The following UBAP2 variants were observed in gnomAD, a reference collection of about 807,000 sequenced individuals.
UBAP2 encodes the protein ubiquitin associated protein 2, also known as ubiquitin-associated protein 2.
Under a neutral mutation model 139.6 loss-of-function variants are expected in UBAP2, and 75 were observed. That is an observed-to-expected ratio of 0.54 (90% CI 0.45 to 0.65). The LOEUF (loss-of-function observed/expected upper bound fraction) is 0.65, where lower values mean the gene tolerates loss of function less well. Among genes scored for constraint, UBAP2 ranks in the 30% least tolerant of loss-of-function variants. The pLI is 0.00. For synonymous variants in UBAP2, 526 were observed against 526.2 expected (o/e 1.00, Z 0.01); for missense variants, 1,368 against 1,369.6 (o/e 1.00, Z 0.02).
chr9:33,935,712 A>G lies in UBAP2; in HGVS notation c.1969+127T>C, dbSNP rs560893552. 420 of 1,145,380 alleles carry G rather than the reference A, an allele frequency of 3.7e-4. 1 individual carries two copies. The highest frequency in any genetic ancestry group is 5.1e-4 in the Non-Finnish European group (391 of 761,224). The allele number at this position is 1,145,380 out of a possible 1,614,324, so 71.0% of individuals were successfully genotyped here. ...CCAACACCTGGTCCAAAAACAAAAA[A>G]GCAAAAGGGCTGCTTTTTAACGAAT... On this transcript the variant is annotated intron_variant, in intron 17 of 28. Coordinates refer to ENST00000379238, the MANE Select transcript of UBAP2 (RefSeq NM_001370062.2).
At chr9:34,012,528 C>CAAAAAAA (rs11399740) in intron 2 of UBAP2, among the ~76,000 whole-genome samples, 1 of 144,244 alleles carries the variant, frequency 6.9e-6, no homozygotes. Flanking sequence ...AAAACTGTCT[C>CAAAAAAA]AAAAAAAAAA....
intron 12 of UBAP2, among the ~76,000 whole-genome samples, chr9:33,949,490 G>A (rs1417650512): frequency 6.6e-6 from 1 of 152,110 alleles, no homozygotes; most frequent in Non-Finnish European, 1.5e-5. Context: ...ATCACCTGAG[G>A]TCAGGAGTTA....
rs542405094 is a variant in UBAP2 at position 34,037,040 on chromosome 9, G to A, written c.-42+11785C>T. On this transcript the variant is annotated intron_variant, in intron 1 of 28. Coordinates refer to ENST00000379238, the MANE Select transcript of UBAP2 (RefSeq NM_001370062.2). ...GTCTCGCTCTATCACCCGGGCTGGA[G>A]TGCAGTGGCACAATCTCGGCTCGCT... Among the ~76,000 whole-genome samples, 3 of 143,652 alleles carry A rather than the reference G, an allele frequency of 2.1e-5. No individual in the cohort carries two copies. In the South Asian group the frequency reaches 6.6e-4, roughly 32 times the overall value. 94.2% of individuals were successfully genotyped at this position (143,652 alleles called of 152,430 possible). A position where few individuals can be genotyped will look rare whatever the true frequency, so the allele number is the denominator to read the frequency against.
At chr9:34,002,911 C>T (rs1036702591) in intron 2 of UBAP2, among the ~76,000 whole-genome samples, 2 of 151,976 alleles carry the variant, frequency 1.3e-5, no homozygotes, top group South Asian at 2.1e-4. Flanking sequence ...TAATATTGAA[C>T]CCCCCGAGCT....
At chr9:34,016,020 T>C (rs1487722319) in intron 2 of UBAP2, among the ~76,000 whole-genome samples, 1 of 152,160 alleles carries the variant, frequency 6.6e-6, no homozygotes, top group Non-Finnish European at 1.5e-5. Flanking sequence ...TACTTCAGAC[T>C]ATTAGTTCTC....
chr9:34,031,818 G>C (rs1343817258), intron 1 of UBAP2, among the ~76,000 whole-genome samples: 1 of 151,258 alleles, frequency 6.6e-6, no homozygotes, highest in African/African-American at 2.4e-5. Context: ...GAAAAAAAGA[G>C]GATCTATTTC....
Position 33,935,827 on chromosome 9 carries a change from TG to T in UBAP2, c.1969+11del. The T allele has an allele frequency of 6.2e-7, 1 of 1,614,140 alleles. No individual in the cohort carries two copies. Among genetic ancestry groups the T allele is most frequent in the East Asian group, 2.2e-5 (1 of 44,886 alleles). On this transcript the variant is annotated intron_variant, in intron 17 of 28. Transcript: ENST00000379238. Reference sequence around the variant, plus strand: ...ACCAGCCATGACAAGAGTAGCTTGCTGCTATACTTACTGTCTAGTGTCTGCT... The same window carrying T: ...ACCAGCCATGACAAGAGTAGCTTGCTCTATACTTACTGTCTAGTGTCTGCT...
intron 1 of UBAP2, among the ~76,000 whole-genome samples, chr9:34,026,118 T>A (rs1371842861): frequency 1.3e-5 from 2 of 152,196 alleles, no homozygotes; most frequent in African/African-American, 4.8e-5. Flanking sequence ...CAAGGACACA[T>A]TTTATCATTC....
At chr9:34,039,343 C>T (rs1378082419) in intron 1 of UBAP2, among the ~76,000 whole-genome samples, 2 of 152,206 alleles carry the variant, frequency 1.3e-5, no homozygotes, top group Non-Finnish European at 2.9e-5. Context: ...GCCACCTCAT[C>T]TGGGAGGTGT....
intron 9 of UBAP2, among the ~76,000 whole-genome samples, chr9:33,961,499 A>G (rs889486580): frequency 3.3e-5 from 5 of 152,188 alleles, no homozygotes; most frequent in African/African-American, 1.2e-4. Flanking sequence ...ATACTCATCC[A>G]TAACACATCT....
intron 10 of UBAP2, among the ~76,000 whole-genome samples, chr9:33,957,538 T>A (rs559307694): frequency 3.3e-5 from 5 of 152,236 alleles, no homozygotes; most frequent in African/African-American, 1.2e-4. Flanking sequence ...CTTCTTTCAC[T>A]CAGCATAATT....
chr9:33,981,857 G>A lies in UBAP2; in HGVS notation c.520+4903C>T, dbSNP rs1280193161. Among the ~76,000 whole-genome samples, 4 of 141,570 alleles carry A rather than the reference G, an allele frequency of 2.8e-5. No individual in the cohort carries two copies. In the East Asian group the frequency reaches 8.8e-4, roughly 31 times the overall value. 92.9% of individuals were successfully genotyped at this position (141,570 alleles called of 152,430 possible). On this transcript the variant is annotated intron_variant, in intron 6 of 28. Transcript: ENST00000379238. ...AGGGAAGGGGGGAAAGGGAGGGAGG[G>A]AAGGAAGGAAGGAAGGAAGGAAGGG...
intron 1 of UBAP2, among the ~76,000 whole-genome samples, chr9:34,017,449 T>C: frequency 6.6e-6 from 1 of 152,202 alleles, no homozygotes; most frequent in South Asian, 2.1e-4. Flanking sequence ...AACCATTTTA[T>C]CACTACATGT....
chr9:34,007,699 A>T (rs1344007104), intron 2 of UBAP2, among the ~76,000 whole-genome samples: 1 of 146,916 alleles, frequency 6.8e-6, no homozygotes, highest in Non-Finnish European at 1.5e-5. Context: ...AGTGCAGTGG[A>T]GTGATCTCGG....
chr9:34,026,930 C>T (rs1392045246), intron 1 of UBAP2, among the ~76,000 whole-genome samples: 1 of 152,094 alleles, frequency 6.6e-6, no homozygotes, highest in Non-Finnish European at 1.5e-5. Context: ...AACAGCATAA[C>T]TATTGTTGGC....
At chr9:34,040,019 C>A (rs1409968665) in intron 1 of UBAP2, among the ~76,000 whole-genome samples, 3 of 151,912 alleles carry the variant, frequency 2.0e-5, no homozygotes, top group South Asian at 2.1e-4. Context: ...TAGCCGGGGG[C>A]ATGGTGGCAC....
chr9:33,933,178 G>A (rs774629895), intron 18 of UBAP2, among the ~76,000 whole-genome samples: 8 of 152,246 alleles, frequency 5.3e-5, no homozygotes, highest in Middle Eastern at 3.4e-3. Flanking sequence ...TGGGCCCAGC[G>A]ATGCCCAGAG....
intron 6 of UBAP2, among the ~76,000 whole-genome samples, chr9:33,985,720 G>C (rs985590175): frequency 6.6e-6 from 1 of 152,040 alleles, no homozygotes; most frequent in African/African-American, 2.4e-5. Flanking sequence ...TTAAAACACA[G>C]AGAGAAGGAA....
chr9:34,035,231 G>T (rs547155905), intron 1 of UBAP2, among the ~76,000 whole-genome samples: 1 of 151,314 alleles, frequency 6.6e-6, no homozygotes, highest in Admixed American at 6.6e-5. Context: ...GGCTAGGCGC[G>T]GTGGCTCACG....
Sources: gnomAD v4.1 joint callset for allele counts (sites outside exome capture counted in the v4.1 genomes callset) on GRCh38, gnomAD v4.1.1 for gene constraint, MANE v1.5 for transcripts, NCBI Gene and HGNC (gene_info 2026-07-23, HGNC 2026-07-21) for gene names.